Variants in ZNF93 observed in about 807,000 individuals in gnomAD.
ZNF93 encodes zinc finger protein 505.
A neutral mutation model predicts 45.0 loss-of-function variants in ZNF93; 29 were observed. The observed-to-expected ratio is 0.64, with a 90% CI of 0.48 to 0.88. The LOEUF (loss-of-function observed/expected upper bound fraction) is 0.88, where lower values mean the gene tolerates loss of function less well. ZNF93 is among the 40% of genes least tolerant of loss of function. The pLI, the probability that ZNF93 is intolerant of heterozygous loss-of-function variation, is 0.00. For synonymous variants in ZNF93, 223 were observed against 244.6 expected (o/e 0.91, Z 0.82); for missense variants, 578 against 724.0 (o/e 0.80, Z 2.31).
intron 1 of ZNF93, among the ~76,000 whole-genome samples, chr19:19,903,814 T>TA (rs1347474002): frequency 6.6e-6 from 1 of 151,602 alleles, no homozygotes; most frequent in Non-Finnish European, 1.5e-5. Context: ...CTCACACCTG[T>TA]AATCCGAGCA....
intron 1 of ZNF93, chr19:19,914,616 G>T: frequency 5.2e-6 from 1 of 191,398 alleles, no homozygotes. Flanking sequence ...TCATTATTAA[G>T]CATCCTTATC....
At chr19:19,923,697 G>A (rs1009812145) in intron 3 of ZNF93, among the ~76,000 whole-genome samples, 5 of 152,028 alleles carry the variant, frequency 3.3e-5, no homozygotes, top group African/African-American at 1.2e-4. Flanking sequence ...AGGCTCCATG[G>A]GTGTAGGACC....
At chr19:19,905,793 A>G (rs2063291266) in intron 1 of ZNF93, among the ~76,000 whole-genome samples, 1 of 151,540 alleles carries the variant, frequency 6.6e-6, no homozygotes, top group East Asian at 1.9e-4. Context: ...GAATTTTGCC[A>G]TGTTGCCAGG....
At position 19,903,774 on chromosome 19, in the gene ZNF93, G is replaced by GA. The variant is rs545820440; in HGVS notation, c.3+2690dup. On this transcript the variant is annotated intron_variant, in intron 1 of 3. Coordinates refer to ENST00000343769, the MANE Select transcript of ZNF93 (RefSeq NM_031218.4). ...GCAAGACTCTGAAAACAAACAAACA[G>GA]AAAAAAATATTTCAGGCCAGGCGCG... Among the ~76,000 whole-genome samples the GA allele has an allele frequency of 2.5e-3, 381 of 151,374 alleles. 1 individual carries two copies. The highest frequency in any genetic ancestry group is 4.7e-3 in the Non-Finnish European group (317 of 67,804).
At chr19:19,927,935 A>G (rs2063361121) in intron 3 of ZNF93, among the ~76,000 whole-genome samples, 1 of 152,050 alleles carries the variant, frequency 6.6e-6, no homozygotes, top group African/African-American at 2.4e-5. Context: ...TTTAGTAGAG[A>G]TGGTGTTTTA....
intron 1 of ZNF93, among the ~76,000 whole-genome samples, chr19:19,906,481 A>G (rs1390333784): frequency 3.3e-5 from 5 of 152,110 alleles, no homozygotes; most frequent in African/African-American, 1.2e-4. Context: ...TTTATTTGGT[A>G]GGTTGTCTGT....
intron 1 of ZNF93, among the ~76,000 whole-genome samples, chr19:19,902,767 CG>C (rs1331520189): frequency 1.4e-5 from 2 of 146,928 alleles, no homozygotes; most frequent in African/African-American, 5.1e-5. Flanking sequence ...GATGGAGTCT[CG>C]CTCTGTCGCC....
chr19:19,918,489 A>T (rs533721854), intron 3 of ZNF93, among the ~76,000 whole-genome samples: 1 of 152,130 alleles, frequency 6.6e-6, no homozygotes, highest in East Asian at 1.9e-4. Context: ...GCTGGGTCCA[A>T]TGGTATTTCT....
intron 3 of ZNF93, among the ~76,000 whole-genome samples, chr19:19,923,065 T>G (rs1275090414): frequency 6.6e-6 from 1 of 152,200 alleles, no homozygotes; most frequent in Non-Finnish European, 1.5e-5. Context: ...CTTTGTGGTT[T>G]TATCTACCTT....
At chr19:19,906,993 T>G (rs764821030) in intron 1 of ZNF93, among the ~76,000 whole-genome samples, 1 of 150,324 alleles carries the variant, frequency 6.7e-6, no homozygotes, top group African/African-American at 2.5e-5. Context: ...AAAAATTCTT[T>G]AAAAAGTTCC....
chr19:19,923,041 CT>C (rs1486017883), intron 3 of ZNF93, among the ~76,000 whole-genome samples: 1 of 152,158 alleles, frequency 6.6e-6, no homozygotes, highest in African/African-American at 2.4e-5. Flanking sequence ...TTTTTCTGCT[CT>C]GTTTTTCCCC....
rs1243811319 is a variant in ZNF93, at chr19:19,915,402, C to A, written c.126C>A (p.Phe42Leu). 1 of 1,612,778 alleles carries A rather than the reference C, an allele frequency of 6.2e-7. No individual in the cohort carries two copies. The highest frequency in any genetic ancestry group is 1.7e-5 in the Admixed American group (1 of 59,802). Residue 42 changes from phenylalanine to leucine, a missense_variant, in exon 2 of 4, where the codon TTC (phenylalanine) becomes TTA (leucine). By Grantham distance (22) the Phe-to-Leu change is conservative (BLOSUM62 0). Transcript: ENST00000343769. ...TAGAGAACTACAGTAACCTGGTCTT[C>A]CTTGGTGAGGATAACTTTAATACAT... is the stretch of plus-strand genomic sequence containing the variant. The part of the protein sequence containing the change: ...VMLENYSNLV[F>L]LGIVVSKPDL...
At chr19:19,925,365 T>C (rs555917533) in intron 3 of ZNF93, among the ~76,000 whole-genome samples, 1 of 152,228 alleles carries the variant, frequency 6.6e-6, no homozygotes, top group Non-Finnish European at 1.5e-5. Flanking sequence ...CAAACCTTAA[T>C]GTACCGTGGA....
intron 3 of ZNF93, among the ~76,000 whole-genome samples, chr19:19,923,738 G>T (rs576539175): frequency 6.6e-6 from 1 of 152,192 alleles, no homozygotes; most frequent in Non-Finnish European, 1.5e-5. Flanking sequence ...ATAATCTCCT[G>T]GTTTGCCATT....
At chr19:19,905,702 C>A (rs796543837) in intron 1 of ZNF93, among the ~76,000 whole-genome samples, 8 of 152,174 alleles carry the variant, frequency 5.3e-5, no homozygotes, top group African/African-American at 1.9e-4. Flanking sequence ...GGAATTCTCT[C>A]CTACCTCATC....
intron 3 of ZNF93, chr19:19,927,377 A>G: frequency 2.5e-6 from 1 of 394,202 alleles, no homozygotes; most frequent in Non-Finnish European, 4.5e-6. Context: ...TGTTCATTTC[A>G]GGCATGTTAA....
At chr19:19,932,588 A>G (rs934382079) in intron 3 of ZNF93, 2 of 152,236 alleles carry the variant, frequency 1.3e-5, no homozygotes, top group African/African-American at 4.8e-5. Flanking sequence ...ATTTGGTGAC[A>G]CAAATTTCGA....
chr19:19,924,334 G>A lies in ZNF93; in HGVS notation c.226+7679G>A, dbSNP rs117136068. Among the ~76,000 whole-genome samples the A allele has an allele frequency of 9.1e-3, 1,377 of 152,060 alleles. 44 individuals are homozygous for A. Among genetic ancestry groups the A allele is most frequent in the Admixed American group, 0.057 (877 of 15,266 alleles). ...GGAAACTCCTGACCTTAGATGATCC[G>A]CCCGTCTCTGCCTCCCAAAGTGCTG... On this transcript the variant is annotated intron_variant, in intron 3 of 3. Coordinates refer to ENST00000343769, the MANE Select transcript of ZNF93 (RefSeq NM_031218.4).
At chr19:19,918,180 T>A (rs953678376) in intron 3 of ZNF93, among the ~76,000 whole-genome samples, 4 of 147,954 alleles carry the variant, frequency 2.7e-5, no homozygotes, top group African/African-American at 9.8e-5. Context: ...AATTCCCACC[T>A]ATGAATGAGA....
Sources: gnomAD v4.1 joint callset for allele counts (sites outside exome capture counted in the v4.1 genomes callset) on GRCh38, gnomAD v4.1.1 for gene constraint, MANE v1.5 for transcripts, NCBI Gene and HGNC (gene_info 2026-07-23, HGNC 2026-07-21) for gene names.